The following SLC2A13 variants were observed in gnomAD, a reference collection of about 807,000 sequenced individuals.
SLC2A13 encodes solute carrier family 2 member 13.
Under a neutral mutation model 64.4 loss-of-function variants are expected in SLC2A13, and 32 were observed. The observed-to-expected ratio is 0.50, with a 90% confidence interval of 0.37 to 0.67. SLC2A13 has a LOEUF of 0.67. Among genes scored for constraint, SLC2A13 ranks in the 30% least tolerant of loss-of-function variants. The pLI is 0.00. For missense variants in SLC2A13, 743 were observed against 829.2 expected (o/e 0.90, Z 1.28); for synonymous variants, 338 against 327.1 (o/e 1.03, Z -0.36).
chr12:39,906,868 T>C (rs1365674389), intron 4 of SLC2A13, among the ~76,000 whole-genome samples: 1 of 152,118 alleles, frequency 6.6e-6, no homozygotes, highest in Non-Finnish European at 1.5e-5. Context: ...GGCAAAACAA[T>C]TATGAGGGAA....
chr12:39,901,318 A>C (rs953538806), intron 4 of SLC2A13, among the ~76,000 whole-genome samples: 1 of 152,168 alleles, frequency 6.6e-6, no homozygotes, highest in Non-Finnish European at 1.5e-5. Context: ...AAGTAATGGC[A>C]ACAAAAGCCA....
At chr12:40,101,876 T>C (rs893212615) in intron 1 of SLC2A13, among the ~76,000 whole-genome samples, 1 of 152,126 alleles carries the variant, frequency 6.6e-6, no homozygotes, top group African/African-American at 2.4e-5. Context: ...GCCATTTAAC[T>C]GTTTCCACAC....
chr12:39,804,320 G>A (rs1411736791), intron 7 of SLC2A13, among the ~76,000 whole-genome samples: 1 of 152,152 alleles, frequency 6.6e-6, no homozygotes, highest in Non-Finnish European at 1.5e-5. Context: ...CATTCCATAA[G>A]AGAAATAGTT....
chr12:40,013,076 G>A (rs1190142587), intron 3 of SLC2A13, among the ~76,000 whole-genome samples: 1 of 152,022 alleles, frequency 6.6e-6, no homozygotes, highest in Non-Finnish European at 1.5e-5. Flanking sequence ...CAGTAAAAAT[G>A]TTTTTAGTTT....
At chr12:39,898,228 C>T (rs528684408) in intron 4 of SLC2A13, among the ~76,000 whole-genome samples, 1 of 152,088 alleles carries the variant, frequency 6.6e-6, no homozygotes, top group African/African-American at 2.4e-5. Context: ...ACTATAGATA[C>T]CTATTATCAA....
chr12:39,848,423 A>G (rs1022460198), intron 6 of SLC2A13, among the ~76,000 whole-genome samples: 3 of 152,212 alleles, frequency 2.0e-5, no homozygotes, highest in Non-Finnish European at 4.4e-5. Flanking sequence ...ATATGAAAAA[A>G]ATTCCATATC....
chr12:39,896,173 AATATGTAT>A (rs1328378230), intron 4 of SLC2A13, among the ~76,000 whole-genome samples: 5 of 146,342 alleles, frequency 3.4e-5, no homozygotes, highest in South Asian at 2.2e-4. Flanking sequence ...TACATATATG[AATATGTAT>A]ATATGTATAT....
intron 1 of SLC2A13, among the ~76,000 whole-genome samples, chr12:40,081,610 G>A (rs970561897): frequency 2.2e-4 from 34 of 152,048 alleles, no homozygotes; most frequent in African/African-American, 7.7e-4. Flanking sequence ...AGATTCCCTG[G>A]ATTCAGTTTC....
At chr12:40,053,904 C>G (rs1948297708) in intron 1 of SLC2A13, among the ~76,000 whole-genome samples, 1 of 152,126 alleles carries the variant, frequency 6.6e-6, no homozygotes, top group Non-Finnish European at 1.5e-5. Flanking sequence ...TGTGGAAAAC[C>G]TTGAACATGA....
In SLC2A13 at chr12:39,837,955, T is replaced by C. The variant is rs375785568; in HGVS notation, c.1320-7727A>G. Reference sequence around the variant, plus strand: ...TGGCGATTCCTCAGGGATCTAGAACTAGAAATACCATTTGACCCAGCCATC... The same window carrying C: ...TGGCGATTCCTCAGGGATCTAGAACCAGAAATACCATTTGACCCAGCCATC... On this transcript the variant is annotated intron_variant, in intron 6 of 9. Transcript: ENST00000280871. 2.9e-3 allele frequency among the ~76,000 whole-genome samples: 437 copies of C among 151,080 alleles called. 11 individuals carry two copies. The East Asian group carries it at 0.072, about 25-fold the overall frequency.
chr12:39,899,660 CAG>C (rs1359267347), intron 4 of SLC2A13, among the ~76,000 whole-genome samples: 1 of 152,012 alleles, frequency 6.6e-6, no homozygotes, highest in Admixed American at 6.6e-5. Flanking sequence ...GAATGTGTCC[CAG>C]AGATTCTGGT....
intron 6 of SLC2A13, among the ~76,000 whole-genome samples, chr12:39,856,558 G>A (rs1943614512): frequency 1.3e-5 from 2 of 151,984 alleles, no homozygotes; most frequent in Admixed American, 1.3e-4. Flanking sequence ...TAGTAGAGAT[G>A]GGGTTTCACC....
intron 7 of SLC2A13, among the ~76,000 whole-genome samples, chr12:39,778,014 G>A (rs918733718): frequency 1.3e-5 from 2 of 152,130 alleles, no homozygotes; most frequent in Non-Finnish European, 2.9e-5. Flanking sequence ...CGCCCACTGG[G>A]GCTTCAGCTG....
At position 39,771,745 on chromosome 12, in the gene SLC2A13, G is replaced by A. The variant is rs564588735; in HGVS notation, c.1446-6887C>T. ...AAACTCATATGCCACCAAGTTAAGC[G>A]CCCTGACCACCTCACTGCTCAAAAA... On this transcript the variant is annotated intron_variant, in intron 7 of 9. Coordinates refer to ENST00000280871, the MANE Select transcript of SLC2A13 (RefSeq NM_052885.4). 7.2e-4 allele frequency among the ~76,000 whole-genome samples: 110 copies of A among 152,072 alleles called. 2 individuals are homozygous for A. The highest frequency in any genetic ancestry group is 2.1e-4 in the South Asian group (1 of 4,808).
intron 6 of SLC2A13, among the ~76,000 whole-genome samples, chr12:39,858,436 G>T (rs1943666221): frequency 6.6e-6 from 1 of 151,892 alleles, no homozygotes; most frequent in Non-Finnish European, 1.5e-5. Context: ...TCATTTTATA[G>T]GAAATTAGTA....
intron 1 of SLC2A13, among the ~76,000 whole-genome samples, chr12:40,052,484 G>GTTTTTT (rs1324235066): frequency 5.3e-5 from 8 of 152,198 alleles, no homozygotes; most frequent in Non-Finnish European, 1.2e-4. Flanking sequence ...ACAAAAAACA[G>GTTTTTT]TTGTGAGTGA....
At chr12:39,919,889 C>T (rs1236381082) in intron 4 of SLC2A13, among the ~76,000 whole-genome samples, 2 of 152,076 alleles carry the variant, frequency 1.3e-5, no homozygotes, top group African/African-American at 4.8e-5. Flanking sequence ...CCTCCGCATT[C>T]TTTCACATTC....
intron 3 of SLC2A13, among the ~76,000 whole-genome samples, chr12:39,963,156 G>A (rs946874926): frequency 1.3e-4 from 19 of 151,850 alleles, no homozygotes; most frequent in Admixed American, 6.6e-4. Flanking sequence ...GCATGGTGGC[G>A]GGCGCCTGTA....
intron 4 of SLC2A13, among the ~76,000 whole-genome samples, chr12:39,893,530 C>T (rs1413159844): frequency 1.3e-5 from 2 of 152,198 alleles, no homozygotes; most frequent in South Asian, 2.1e-4. Context: ...AAACTCCTGA[C>T]CTCAGGTGAT....
Sources: allele counts gnomAD v4.1 joint callset (sites outside exome capture counted in the v4.1 genomes callset), GRCh38; gene constraint gnomAD v4.1.1; transcripts MANE v1.5; gene names NCBI Gene and HGNC (gene_info 2026-07-23, HGNC 2026-07-21).